Variants in CARD6 observed in about 807,000 individuals in gnomAD.
CARD6 encodes caspase recruitment domain family member 6.
In CARD6, 27 loss-of-function variants were observed where a neutral mutation model predicts 23.6. The observed-to-expected ratio is 1.14, with a 90% CI of 0.84 to 1.58. CARD6 has a LOEUF of 1.58. Among genes scored for constraint, CARD6 ranks in the 40% most tolerant of loss-of-function variants. The probability of loss-of-function intolerance (pLI) is 0.00; values close to 1 mark genes in which losing one functional copy is unlikely to be tolerated. For missense variants in CARD6, 1,214 were observed against 1,209.9 expected (o/e 1.00, Z -0.05); for synonymous variants, 397 against 431.8 (o/e 0.92, Z 1.00).
chr5:40,842,907 G>C (rs190060417), intron 1 of CARD6, among the ~76,000 whole-genome samples: 4 of 152,094 alleles, frequency 2.6e-5, no homozygotes, highest in Non-Finnish European at 4.4e-5. Flanking sequence ...GCATCATGGC[G>C]CATGCCTGTA....
intron 2 of CARD6, among the ~76,000 whole-genome samples, chr5:40,850,216 C>G (rs942721671): frequency 2.6e-5 from 4 of 151,686 alleles, no homozygotes; most frequent in African/African-American, 9.7e-5. Flanking sequence ...AGATCGAGAC[C>G]ATCCTGGCTA....
At chr5:40,842,486 T>C (rs563669964) in intron 1 of CARD6, among the ~76,000 whole-genome samples, 12 of 152,332 alleles carry the variant, frequency 7.9e-5, no homozygotes, top group African/African-American at 2.6e-4. Context: ...TTATTTGTGA[T>C]CAGATTTCAT....
chr5:40,843,772 A>T (rs2112167863), intron 2 of CARD6, 63 bp downstream of exon 2: 1 of 1,132,324 alleles, frequency 8.8e-7, no homozygotes, highest in Admixed American at 2.9e-5. Flanking sequence ...GCTTGCCATG[A>T]CATAATGGGG....
In CARD6 at chr5:40,853,626, G is replaced by T. The variant is rs756884740; in HGVS notation, c.2294G>T (p.Trp765Leu). Residue 765 changes from tryptophan to leucine, a missense_variant, in exon 3 of 3, where the codon TGG (tryptophan) becomes TTG (leucine). Coordinates refer to ENST00000254691, the MANE Select transcript of CARD6 (RefSeq NM_032587.4). The part of the protein sequence containing the change: ...RPFGSEQRPK[W>L]FHPLPFQNAG... ...TTTGGGTCAGAGCAGAGGCCTAAGT[G>T]GTTCCATCCTTTGCCTTTTCAGAAT... 35 of 1,614,230 alleles carry T rather than the reference G, an allele frequency of 2.2e-5. No homozygotes were observed. The South Asian group carries it at 3.6e-4, about 17-fold the overall frequency.
At chr5:40,847,076 A>G (rs914140860) in intron 2 of CARD6, among the ~76,000 whole-genome samples, 2 of 152,224 alleles carry the variant, frequency 1.3e-5, no homozygotes, top group African/African-American at 2.4e-5. Flanking sequence ...AGAAGTCTTA[A>G]TAATAATGTA....
In CARD6 at chr5:40,854,099, G is replaced by A; in HGVS notation, c.2767G>A (p.Gly923Arg). ...QQGVQMKTQG[G>R]ASNPALQIGS... ...AGGAGTCCAGATGAAGACACAAGGT[G>A]GGGCTTCAAATCCAGCTCTCCAAAT... Residue 923 changes from glycine (G) to arginine (R), a missense_variant, in exon 3 of 3, where the codon GGG (glycine) becomes AGG (arginine). By Grantham distance (125) the Gly-to-Arg change is moderately radical (BLOSUM62 -2). Transcript: ENST00000254691. 1 of 1,614,142 alleles carries A rather than the reference G, an allele frequency of 6.2e-7. No homozygotes were observed. Among genetic ancestry groups the A allele is most frequent in the Non-Finnish European group, 8.5e-7 (1 of 1,180,020 alleles).
chr5:40,852,628 A>G lies in CARD6; in HGVS notation c.1296A>G (p.Ser432=). 6.2e-7 allele frequency: 1 copy of G among 1,614,208 alleles called. No homozygotes were observed. Residue 432 remains serine (S), a synonymous_variant, in exon 3 of 3, where the codon TCA becomes TCG. Coordinates refer to ENST00000254691, the MANE Select transcript of CARD6 (RefSeq NM_032587.4). ...TGAAAGACATTGTGAAGAAGCAGTC[A>G]ACACAGTTTTCAGGGGGGCCTACAG... ...GAMKDIVKKQ[S]TQFSGGPTED...
At chr5:40,851,116 TGAG>T (rs1746057803) in intron 2 of CARD6, among the ~76,000 whole-genome samples, 1 of 151,934 alleles carries the variant, frequency 6.6e-6, no homozygotes, top group South Asian at 2.1e-4. Flanking sequence ...GTGGATTACT[TGAG>T]GTCAGGAGTT....
intron 1 of CARD6, among the ~76,000 whole-genome samples, chr5:40,842,569 T>C (rs1745879339): frequency 6.6e-6 from 1 of 152,188 alleles, no homozygotes; most frequent in Non-Finnish European, 1.5e-5. Context: ...GTTCATATGA[T>C]TCAAATTTTT....
Position 40,853,091 on chromosome 5 carries a change from G to A in CARD6, c.1759G>A (p.Ala587Thr). 3 of 1,614,150 alleles carry A rather than the reference G, an allele frequency of 1.9e-6. No individual in the cohort carries two copies. The highest frequency in any genetic ancestry group is 1.1e-5 in the South Asian group (1 of 91,084). ...ERCYFVLSSQ[A>T]RESEEAQIFQ... is the part of the protein sequence containing the mutation. ...ATGCTACTTTGTTCTCAGTTCCCAAGCCAGGGAGAGTGAAGAGGCTCAAAT... is the reference window on the plus strand; with the variant it reads ...ATGCTACTTTGTTCTCAGTTCCCAAACCAGGGAGAGTGAAGAGGCTCAAAT... The change falls in exon 3 of 3, where the codon GCC becomes ACC. Residue 587 changes from alanine to threonine, a missense_variant. By Grantham distance (58) the Ala-to-Thr change is moderately conservative. Coordinates refer to ENST00000254691, the MANE Select transcript of CARD6 (RefSeq NM_032587.4).
Position 40,854,194 on chromosome 5 carries a change from C to G in CARD6, c.2862C>G (p.His954Gln), listed in dbSNP as rs201446776. Residue 954 changes from histidine (H) to glutamine (Q), a missense_variant, in exon 3 of 3, where the codon CAC becomes CAG. Physicochemically the swap from His to Gln is conservative, Grantham distance 24 (BLOSUM62 0). Transcript: ENST00000254691. The part of the protein sequence containing the change: ...SDQSNPSTVK[H>Q]SQPKPFHSVP... ...AGTCCAACCCATCCACAGTCAAACA[C>G]TCCCAGCCTAAACCCTTCCATTCTG... 1.4e-4 allele frequency: 225 copies of G among 1,614,204 alleles called. 1 individual carries two copies. The Middle Eastern group carries it at 6.6e-3, about 47-fold the overall frequency.
In CARD6 at chr5:40,852,827, C is replaced by G. The variant is rs758170017; in HGVS notation, c.1495C>G (p.Gln499Glu). The change falls in exon 3 of 3, where the codon CAA becomes GAA. Residue 499 changes from glutamine (Q) to glutamate (E), a missense_variant. Coordinates refer to ENST00000254691, the MANE Select transcript of CARD6 (RefSeq NM_032587.4). ...TTTGCCTCTTTTGGTGCTTCCCCGG[C>G]AAATCTCTGATGGCCTGGTTGAGAT... is the stretch of plus-strand genomic sequence containing the variant. ...QDLPLLVLPR[Q>E]ISDGLVEITW... 3 of 1,614,042 alleles carry G rather than the reference C, an allele frequency of 1.9e-6. No individual in the cohort carries two copies. Among genetic ancestry groups the G allele is most frequent in the Non-Finnish European group, 2.5e-6 (3 of 1,180,042 alleles).
In CARD6 at chr5:40,852,560, C is replaced by G. The variant is rs755846640; in HGVS notation, c.1228C>G (p.Pro410Ala). 2 of 1,614,178 alleles carry G rather than the reference C, an allele frequency of 1.2e-6. No individual in the cohort carries two copies. Among genetic ancestry groups the G allele is most frequent in the Admixed American group, 3.3e-5 (2 of 60,014 alleles). Residue 410 changes from proline to alanine, a missense_variant, in exon 3 of 3, where the codon CCA becomes GCA. Coordinates refer to ENST00000254691, the MANE Select transcript of CARD6 (RefSeq NM_032587.4). ...CCAGTTTGCTCTTCCCCTGCTACTGCCAGATGCAGAAAACAACAAAAGCAT... is the reference window on the plus strand; with the variant it reads ...CCAGTTTGCTCTTCCCCTGCTACTGGCAGATGCAGAAAACAACAAAAGCAT... ...QCQFALPLLL[P>A]DAENNKSILM...
intron 2 of CARD6, among the ~76,000 whole-genome samples, chr5:40,846,236 CT>C: frequency 6.6e-6 from 1 of 152,052 alleles, no homozygotes; most frequent in Non-Finnish European, 1.5e-5. Flanking sequence ...TGGTCTCGAA[CT>C]CTTGACCTCA....
chr5:40,853,399 G>A lies in CARD6; in HGVS notation c.2067G>A (p.Gln689=), dbSNP rs1256982376. ...AEGEGQQRHS[Q]LKSSSKSQAL... ...GTGAGGGTCAGCAAAGACACAGTCA[G>A]CTAAAAAGCTCATCTAAAAGCCAGG... Residue 689 remains glutamine, a synonymous_variant, in exon 3 of 3, where the codon CAG becomes CAA. Transcript: ENST00000254691. The A allele has an allele frequency of 6.2e-7, 1 of 1,614,118 alleles. No individual in the cohort carries two copies. Among genetic ancestry groups the A allele is most frequent in the East Asian group, 2.2e-5 (1 of 44,874 alleles).
chr5:40,849,028 T>A (rs1017326338), intron 2 of CARD6, among the ~76,000 whole-genome samples: 4 of 151,832 alleles, frequency 2.6e-5, no homozygotes, highest in African/African-American at 9.7e-5. Context: ...TTTTTTGAGA[T>A]GACAGGCTGG....
At chr5:40,850,368 C>T (rs111456382) in intron 2 of CARD6, among the ~76,000 whole-genome samples, 9,958 of 131,888 alleles carry the variant, frequency 0.076, 473 homozygotes, top group Non-Finnish European at 0.1. Flanking sequence ...GAGCTGAGAT[C>T]GTGCCACTGC....
At chr5:40,850,835 A>T (rs1219795686) in intron 2 of CARD6, among the ~76,000 whole-genome samples, 2 of 151,616 alleles carry the variant, frequency 1.3e-5, no homozygotes, top group East Asian at 1.9e-4. Flanking sequence ...ATGTTAGCAC[A>T]TTTTTTTAAA....
At chr5:40,846,346 GA>G (rs971111254) in intron 2 of CARD6, among the ~76,000 whole-genome samples, 69 of 151,196 alleles carry the variant, frequency 4.6e-4, no homozygotes, top group African/African-American at 1.6e-3. Context: ...AAAGGAGAGA[GA>G]AAGGGAGAGA....
Sources: allele counts gnomAD v4.1 joint callset (sites outside exome capture counted in the v4.1 genomes callset), GRCh38; gene constraint gnomAD v4.1.1; transcripts MANE v1.5; gene names NCBI Gene and HGNC (gene_info 2026-07-23, HGNC 2026-07-21).